DLGAP2: variants seen among roughly 807,000 people sequenced by gnomAD.
DLGAP2 encodes DLG associated protein 2.
DLGAP2 carries 26 observed loss-of-function variants against 100.3 expected under a neutral mutation model. The observed-to-expected ratio is 0.26, with a 90% CI of 0.19 to 0.36. The LOEUF (loss-of-function observed/expected upper bound fraction) is 0.36. Among genes scored for constraint, DLGAP2 ranks in the 10% least tolerant of loss-of-function variants. The pLI, the probability that DLGAP2 is intolerant of heterozygous loss-of-function variation, is 1.00. For missense variants in DLGAP2, 1,858 were observed against 1,453.2 expected (o/e 1.28, Z -4.53); for synonymous variants, 886 against 630.1 (o/e 1.41, Z -6.08).
intron 8 of DLGAP2, among the ~76,000 whole-genome samples, chr8:1,634,937 C>T (rs1479638714): frequency 1.3e-5 from 2 of 152,146 alleles, no homozygotes; most frequent in African/African-American, 2.4e-5. Flanking sequence ...AGATTCCATT[C>T]AGAGTTTCTA....
intron 3 of DLGAP2, among the ~76,000 whole-genome samples, chr8:1,313,382 G>A (rs1231612743): frequency 6.6e-6 from 1 of 152,138 alleles, no homozygotes; most frequent in African/African-American, 2.4e-5. Flanking sequence ...GGAGGAATCC[G>A]TGAGTCTTCA....
chr8:1,059,563 G>A (rs924867513), intron 2 of DLGAP2, among the ~76,000 whole-genome samples: 1 of 152,194 alleles, frequency 6.6e-6, no homozygotes, highest in Non-Finnish European at 1.5e-5. Context: ...CCCTCCATTA[G>A]GCTGTGAGCT....
chr8:1,208,246 G>T (rs1193124173), intron 2 of DLGAP2, among the ~76,000 whole-genome samples: 1 of 152,176 alleles, frequency 6.6e-6, no homozygotes, highest in Non-Finnish European at 1.5e-5. Context: ...TGTATAAGGT[G>T]AGAGATGAGG....
intron 2 of DLGAP2, among the ~76,000 whole-genome samples, chr8:956,573 C>A (rs1799602356): frequency 6.6e-6 from 1 of 152,216 alleles, no homozygotes; most frequent in Admixed American, 6.5e-5. Context: ...GGCCACAGAG[C>A]CACGCATCGT....
At chr8:925,451 G>C (rs1381808766) in intron 2 of DLGAP2, among the ~76,000 whole-genome samples, 1 of 152,128 alleles carries the variant, frequency 6.6e-6, no homozygotes, top group African/African-American at 2.4e-5. Context: ...ATGGTGTTCT[G>C]TGTGGAGGCT....
At chr8:882,214 C>T (rs1256716220) in intron 1 of DLGAP2, among the ~76,000 whole-genome samples, 1 of 152,278 alleles carries the variant, frequency 6.6e-6, no homozygotes, top group Non-Finnish European at 1.5e-5. Flanking sequence ...GGGGATTTAT[C>T]TAATTTAGTT....
At chr8:1,683,954 G>GTGTA (rs1450063590) in intron 12 of DLGAP2, among the ~76,000 whole-genome samples, 13 of 74,732 alleles carry the variant, frequency 1.7e-4, no homozygotes, top group South Asian at 1.7e-3. Context: ...ATATATGTGT[G>GTGTA]TATATATATA....
chr8:1,297,664 A>G, intron 3 of DLGAP2, among the ~76,000 whole-genome samples: 1 of 126,416 alleles, frequency 7.9e-6, no homozygotes, highest in African/African-American at 3.1e-5. Context: ...CACGTGAGAC[A>G]GGGAGGAGAA....
intron 2 of DLGAP2, among the ~76,000 whole-genome samples, chr8:923,900 T>C (rs1428689942): frequency 2.0e-5 from 3 of 152,196 alleles, no homozygotes; most frequent in African/African-American, 4.8e-5. Flanking sequence ...CAGGCAGAAA[T>C]GGCCTGTGAG....
In DLGAP2 at chr8:947,913, G is replaced by A. The variant is rs1427813079; in HGVS notation, c.73+39947G>A. Among the ~76,000 whole-genome samples, 15 of 142,266 alleles carry A rather than the reference G, an allele frequency of 1.1e-4. No homozygotes were observed. The South Asian group carries it at 1.3e-3, about 13-fold the overall frequency. The allele number at this position is 142,266 out of a possible 152,430, so 93.3% of individuals were successfully genotyped here. A position where few individuals can be genotyped will look rare whatever the true frequency, so the allele number is the denominator to read the frequency against. On this transcript the variant is annotated intron_variant, in intron 2 of 14. Transcript: ENST00000637795. ...TGTGGGCCATGGCCCCACCGAACCCGTGCCAACCCGCGTGTGCCATGGGTT... is the reference window on the plus strand; with the variant it reads ...TGTGGGCCATGGCCCCACCGAACCCATGCCAACCCGCGTGTGCCATGGGTT...
intron 2 of DLGAP2, among the ~76,000 whole-genome samples, chr8:1,191,173 ATTTTTTT>A (rs34977390): frequency 7.1e-6 from 1 of 140,340 alleles, no homozygotes; most frequent in Admixed American, 7.1e-5. Context: ...AAGTAGATAC[ATTTTTTT>A]TTTTTTTTTG....
intron 2 of DLGAP2, among the ~76,000 whole-genome samples, chr8:957,037 T>A (rs1256280854): frequency 6.6e-6 from 1 of 152,236 alleles, no homozygotes; most frequent in Admixed American, 6.5e-5. Flanking sequence ...TTGTCCTGGC[T>A]TATAATTTCA....
At chr8:1,188,826 C>G (rs1563241198) in intron 2 of DLGAP2, among the ~76,000 whole-genome samples, 1 of 152,156 alleles carries the variant, frequency 6.6e-6, no homozygotes, top group African/African-American at 2.4e-5. Context: ...CAGGATGTGC[C>G]TTTTTTTAGG....
intron 6 of DLGAP2, among the ~76,000 whole-genome samples, chr8:1,622,662 C>G (rs900359642): frequency 9.9e-5 from 15 of 152,180 alleles, no homozygotes; most frequent in African/African-American, 3.1e-4. Context: ...GGAGCAACAT[C>G]TGAAAGGCAA....
At chr8:884,017 C>T (rs983195516) in intron 1 of DLGAP2, among the ~76,000 whole-genome samples, 1 of 152,188 alleles carries the variant, frequency 6.6e-6, no homozygotes, top group African/African-American at 2.4e-5. Context: ...ATATGTACCA[C>T]ATTTTCTTTA....
intron 2 of DLGAP2, among the ~76,000 whole-genome samples, chr8:1,164,735 C>A (rs62487541): frequency 6.6e-6 from 1 of 151,922 alleles, no homozygotes; most frequent in African/African-American, 2.4e-5. Flanking sequence ...CCTCCAGGCC[C>A]GAAACAAATG....
chr8:1,691,763 G>A, intron 13 of DLGAP2, 137 bp downstream of exon 13: 5 of 773,720 alleles, frequency 6.5e-6, no homozygotes, highest in Non-Finnish European at 1.0e-5. Context: ...CTACAGAAGA[G>A]GCTTCCCGCC....
chr8:1,519,881 G>A (rs916321107), intron 4 of DLGAP2, among the ~76,000 whole-genome samples: 2 of 152,250 alleles, frequency 1.3e-5, no homozygotes, highest in African/African-American at 4.8e-5. Context: ...GGGAGCATGG[G>A]TGGGGTGGGG....
At position 1,633,195 on chromosome 8, in the gene DLGAP2, C is replaced by T. The variant is rs1179921156; in HGVS notation, c.1810+149C>T. Reference sequence around the variant, plus strand: ...TTCCTAATTGCATGTGTTACACTGTCACATTCGCAAGGGTGTTTTGTCTCT... The same window carrying T: ...TTCCTAATTGCATGTGTTACACTGTTACATTCGCAAGGGTGTTTTGTCTCT... On this transcript the variant is annotated intron_variant, in intron 8 of 14. Transcript: ENST00000637795. The T allele has an allele frequency of 1.5e-5, 11 of 714,898 alleles. No individual in the cohort carries two copies. The East Asian group carries it at 3.0e-4, about 20-fold the overall frequency. 44.3% of individuals were successfully genotyped at this position (714,898 alleles called of 1,614,324 possible). A position where few individuals can be genotyped will look rare whatever the true frequency, so the allele number is the denominator to read the frequency against.
Sources: gnomAD v4.1 joint callset for allele counts (sites outside exome capture counted in the v4.1 genomes callset) on GRCh38, gnomAD v4.1.1 for gene constraint, MANE v1.5 for transcripts, NCBI Gene and HGNC (gene_info 2026-07-23, HGNC 2026-07-21) for gene names.